The following LSAMP variants were observed in gnomAD, a reference collection of about 807,000 sequenced individuals.
The protein encoded by LSAMP is limbic system associated membrane protein, also known as limbic system-associated membrane protein.
Under a neutral mutation model 38.6 loss-of-function variants are expected in LSAMP, and 7 were observed. The ratio of observed to expected loss-of-function variants is 0.18; its 90% CI spans 0.10 to 0.34. The LOEUF is 0.34. LSAMP is among the 10% of genes least tolerant of loss of function. The pLI, the probability that LSAMP is intolerant of heterozygous loss-of-function variation, is 1.00. For missense variants in LSAMP, 313 were observed against 420.0 expected (o/e 0.75, Z 2.23); for synonymous variants, 154 against 166.8 (o/e 0.92, Z 0.59).
chr3:116,210,036 G>C (rs1425321936), intron 1 of LSAMP, among the ~76,000 whole-genome samples: 1 of 152,142 alleles, frequency 6.6e-6, no homozygotes, highest in Admixed American at 6.5e-5. Flanking sequence ...TTACAGGCCT[G>C]AGCCACTGAG....
At chr3:116,093,002 C>T (rs941521209) in intron 1 of LSAMP, among the ~76,000 whole-genome samples, 1 of 152,148 alleles carries the variant, frequency 6.6e-6, no homozygotes, top group African/African-American at 2.4e-5. Flanking sequence ...AGAGTATAAT[C>T]TGGTATTTAT....
At chr3:116,115,678 A>C (rs1219198401) in intron 1 of LSAMP, among the ~76,000 whole-genome samples, 1 of 151,458 alleles carries the variant, frequency 6.6e-6, no homozygotes, top group African/African-American at 2.4e-5. Context: ...AACAAAAAAC[A>C]AAACAAAAAA....
chr3:115,951,860 A>G (rs1938301799), intron 3 of LSAMP, among the ~76,000 whole-genome samples: 2 of 152,044 alleles, frequency 1.3e-5, no homozygotes, highest in African/African-American at 2.4e-5. Flanking sequence ...ATATATATAT[A>G]TCCTATTAGT....
At chr3:116,339,283 T>A (rs994269488) in intron 1 of LSAMP, among the ~76,000 whole-genome samples, 1 of 87,708 alleles carries the variant, frequency 1.1e-5, no homozygotes, top group African/African-American at 6.8e-5. Flanking sequence ...CTTATATAGA[T>A]TTTTTTTTTT....
intron 4 of LSAMP, among the ~76,000 whole-genome samples, chr3:115,848,296 C>T (rs2972478): frequency 0.44 from 66,985 of 151,922 alleles, 15,894 homozygotes; most frequent in African/African-American, 0.63. Flanking sequence ...TGGTGGCACG[C>T]GCCTGTAATC....
At chr3:116,122,290 A>C (rs1373444009) in intron 1 of LSAMP, among the ~76,000 whole-genome samples, 1 of 152,178 alleles carries the variant, frequency 6.6e-6, no homozygotes, top group Non-Finnish European at 1.5e-5. Flanking sequence ...GCACATGGAA[A>C]CACACACACA....
At chr3:116,159,146 A>G (rs1709824511) in intron 1 of LSAMP, among the ~76,000 whole-genome samples, 1 of 152,180 alleles carries the variant, frequency 6.6e-6, no homozygotes, top group Non-Finnish European at 1.5e-5. Flanking sequence ...CTAAAGCTAT[A>G]AAAATCCTTG....
intron 1 of LSAMP, among the ~76,000 whole-genome samples, chr3:116,268,980 T>G (rs1374027955): frequency 6.6e-6 from 1 of 151,970 alleles, no homozygotes; most frequent in Non-Finnish European, 1.5e-5. Context: ...CTGTTAGTGA[T>G]CAAGTAATTA....
chr3:116,023,146 A>G (rs563306998), intron 2 of LSAMP, among the ~76,000 whole-genome samples: 1 of 150,472 alleles, frequency 6.6e-6, no homozygotes, highest in Non-Finnish European at 1.5e-5. Flanking sequence ...ATATATGTGT[A>G]TATATACATA....
intron 3 of LSAMP, among the ~76,000 whole-genome samples, chr3:115,872,983 C>G (rs954688524): frequency 6.6e-6 from 1 of 152,068 alleles, no homozygotes; most frequent in African/African-American, 2.4e-5. Context: ...CACATATATA[C>G]ATATATGTAA....
At chr3:115,831,206 A>T (rs1319436281) in intron 6 of LSAMP, among the ~76,000 whole-genome samples, 2 of 152,128 alleles carry the variant, frequency 1.3e-5, no homozygotes, top group African/African-American at 2.4e-5. Context: ...TCCCAAACCC[A>T]CTTGCCACAC....
At position 116,134,081 on chromosome 3, in the gene LSAMP, C is replaced by T. The variant is rs533832644; in HGVS notation, c.156-47525G>A. ...CCACAGCATTACCTAGAATAAAAGACGGGGTCTCATTTGGATTGATTTAGT... is the reference window on the plus strand; with the variant it reads ...CCACAGCATTACCTAGAATAAAAGATGGGGTCTCATTTGGATTGATTTAGT... On this transcript the variant is annotated intron_variant, in intron 1 of 6. Transcript: ENST00000490035. Among the ~76,000 whole-genome samples the T allele has an allele frequency of 1.2e-3, 178 of 152,138 alleles. 3 individuals are homozygous for T. Among genetic ancestry groups the T allele is most frequent in the Admixed American group, 6.2e-3 (94 of 15,278 alleles).
intron 3 of LSAMP, among the ~76,000 whole-genome samples, chr3:116,016,507 A>C (rs1342593095): frequency 6.6e-6 from 1 of 152,200 alleles, no homozygotes. Flanking sequence ...GATATCCCCA[A>C]AGCCCTACTT....
intron 1 of LSAMP, among the ~76,000 whole-genome samples, chr3:116,119,903 T>C (rs1339305229): frequency 6.6e-6 from 1 of 152,060 alleles, no homozygotes; most frequent in African/African-American, 2.4e-5. Context: ...TCGTGATCCA[T>C]TTGTCTTGGC....
chr3:116,180,099 T>G (rs1246305670), intron 1 of LSAMP, among the ~76,000 whole-genome samples: 1 of 152,188 alleles, frequency 6.6e-6, no homozygotes, highest in Non-Finnish European at 1.5e-5. Flanking sequence ...GAGATTATAC[T>G]CATATACTTA....
chr3:116,209,373 G>A (rs559829640), intron 1 of LSAMP, among the ~76,000 whole-genome samples: 8 of 152,200 alleles, frequency 5.3e-5, no homozygotes, highest in South Asian at 2.1e-4. Context: ...CTTCGCTCAC[G>A]CTGGGAGCTG....
intron 2 of LSAMP, among the ~76,000 whole-genome samples, chr3:116,033,236 T>C (rs916413420): frequency 6.6e-6 from 1 of 152,092 alleles, no homozygotes; most frequent in Non-Finnish European, 1.5e-5. Context: ...CCTTCTCTTT[T>C]TAAAACTCAA....
chr3:115,867,544 G>A (rs1232635551), intron 3 of LSAMP, among the ~76,000 whole-genome samples: 1 of 152,080 alleles, frequency 6.6e-6, no homozygotes, highest in African/African-American at 2.4e-5. Flanking sequence ...CACAGGAAAA[G>A]ATGTGAAAGC....
intron 1 of LSAMP, among the ~76,000 whole-genome samples, chr3:116,227,036 C>T (rs1228639310): frequency 6.6e-6 from 1 of 152,002 alleles, no homozygotes; most frequent in Non-Finnish European, 1.5e-5. Context: ...CTGAAAGTGG[C>T]CTTTGGTTTT....
Sources: allele counts gnomAD v4.1 joint callset (sites outside exome capture counted in the v4.1 genomes callset), GRCh38; gene constraint gnomAD v4.1.1; transcripts MANE v1.5; gene names NCBI Gene and HGNC (gene_info 2026-07-23, HGNC 2026-07-21).